Variants in FDX2 observed in about 807,000 individuals in gnomAD.
The protein encoded by FDX2 is ferredoxin-2, mitochondrial.
FDX2 carries 13 observed loss-of-function variants against 18.5 expected under a neutral mutation model. The ratio of observed to expected loss-of-function variants is 0.70; its 90% CI spans 0.46 to 1.12. The LOEUF (loss-of-function observed/expected upper bound fraction) is 1.12, where lower values mean the gene tolerates loss of function less well. Ranked by LOEUF, FDX2 falls within the 50% of genes most tolerant of loss-of-function variation. The pLI, the probability that FDX2 is intolerant of heterozygous loss-of-function variation, is 0.00. For missense variants in FDX2, 238 were observed against 250.4 expected (o/e 0.95, Z 0.34); for synonymous variants, 132 against 106.2 (o/e 1.24, Z -1.49).
At chr19:10,315,795 C>T in intron 1 of FDX2, 36 bp from the exon 2 acceptor site, 5 of 1,599,286 alleles carry the variant, frequency 3.1e-6, no homozygotes, top group Non-Finnish European at 4.3e-6. Context: ...CTGCGCCGAG[C>T]CCCGCCCCGC....
rs1398530361 is a variant in FDX2 at position 10,315,419 on chromosome 19, G to A, written c.283C>T (p.His95Tyr). The change falls in exon 3 of 5, where the codon CAC becomes TAC. Residue 95 changes from histidine to tyrosine, a missense_variant. Coordinates refer to ENST00000393708, the MANE Select transcript of FDX2 (RefSeq NM_001031734.4). ...TCCACCCCGTGGCGCTGGGCCAGGT[G>A]AAGAACATTGTCCCCGACTCTGCCA... 5 of 1,612,964 alleles carry A rather than the reference G, an allele frequency of 3.1e-6. No homozygotes were observed. The highest frequency in any genetic ancestry group is 3.4e-6 in the Non-Finnish European group (4 of 1,179,892).
Position 10,310,616 on chromosome 19 carries a change from G to A in FDX2, c.431C>T (p.Pro144Leu), listed in dbSNP as rs888630930. Reference sequence around the variant, plus strand: ...CAGCCGCGAGTTCTCCTGGAGGAGGGGGGCCATGTCTAGCATGTCGTCTTC... The same window carrying A: ...CAGCCGCGAGTTCTCCTGGAGGAGGAGGGCCATGTCTAGCATGTCGTCTTC... The change falls in exon 5 of 5, where the codon CCC becomes CTC. Residue 144 changes from proline to leucine, a missense_variant. Coordinates refer to ENST00000393708, the MANE Select transcript of FDX2 (RefSeq NM_001031734.4). The A allele has an allele frequency of 6.2e-7, 1 of 1,614,002 alleles. No homozygotes were observed.
intron 2 of FDX2, 36 bp downstream of exon 2, chr19:10,315,669 G>A: frequency 1.3e-6 from 2 of 1,542,286 alleles, no homozygotes; most frequent in South Asian, 1.2e-5. Flanking sequence ...GAATTCCGTG[G>A]GATGAGGAAT....
chr19:10,314,331 G>C (rs2040355410), intron 3 of FDX2, among the ~76,000 whole-genome samples: 1 of 152,184 alleles, frequency 6.6e-6, no homozygotes, highest in South Asian at 2.1e-4. Context: ...TCAAACATCT[G>C]TTACATCTTG....
rs765413486 is a variant in FDX2 at position 10,315,412 on chromosome 19, G to A, written c.290C>T (p.Ala97Val). The A allele has an allele frequency of 6.2e-7, 1 of 1,613,036 alleles. No individual in the cohort carries two copies. Among genetic ancestry groups the A allele is most frequent in the East Asian group, 2.2e-5 (1 of 44,828 alleles). Residue 97 changes from alanine (A) to valine (V), a missense_variant, in exon 3 of 5, where the codon GCC becomes GTC. By Grantham distance (64) the Ala-to-Val change is moderately conservative. Coordinates refer to ENST00000393708, the MANE Select transcript of FDX2 (RefSeq NM_001031734.4). ...TTCCAGGTCCACCCCGTGGCGCTGG[G>A]CCAGGTGAAGAACATTGTCCCCGAC...
At chr19:10,312,230 G>T (rs1475514692) in intron 3 of FDX2, among the ~76,000 whole-genome samples, 2 of 142,706 alleles carry the variant, frequency 1.4e-5, no homozygotes, top group Admixed American at 7.7e-5. Flanking sequence ...GCCCAGGCTG[G>T]TCTCAAACTC....
chr19:10,315,892 C>G lies in FDX2; in HGVS notation c.114G>C (p.Glu38Asp), dbSNP rs377762851. The change falls in exon 1 of 5, where the codon GAG (glutamate) becomes GAC (aspartate). Residue 38 changes from glutamate (E) to aspartate (D), a missense_variant. Physicochemically the swap from Glu to Asp is conservative, Grantham distance 45 (BLOSUM62 2). Coordinates refer to ENST00000393708, the MANE Select transcript of FDX2 (RefSeq NM_001031734.4). ...TTCTGGTTGTCCCCAGCGCCACCCC[C>G]TCCCCCGACCCGGAAGTGCCCCCAG... 4.1e-5 allele frequency: 66 copies of G among 1,603,954 alleles called. No homozygotes were observed. The highest frequency in any genetic ancestry group is 5.4e-5 in the Non-Finnish European group (64 of 1,176,814).
intron 3 of FDX2, among the ~76,000 whole-genome samples, chr19:10,314,658 G>A (rs2040358807): frequency 6.6e-6 from 1 of 152,214 alleles, no homozygotes; most frequent in South Asian, 2.1e-4. Flanking sequence ...GGGCTGAGGG[G>A]AATGGGATTG....
Position 10,315,318 on chromosome 19 carries a change from GGTTTTTT to G in FDX2, c.316+61_316+67del, listed in dbSNP as rs1215003994. The G allele has an allele frequency of 7.7e-5, 33 of 428,514 alleles. 1 individual carries two copies. Among genetic ancestry groups the G allele is most frequent in the South Asian group, 4.0e-4 (12 of 29,932 alleles). The allele number at this position is 428,514 out of a possible 1,614,324, so 26.5% of individuals were successfully genotyped here. A position where few individuals can be genotyped will look rare whatever the true frequency, so the allele number is the denominator to read the frequency against. On this transcript the variant is annotated intron_variant, in intron 3 of 4. Coordinates refer to ENST00000393708, the MANE Select transcript of FDX2 (RefSeq NM_001031734.4). Reference sequence around the variant, plus strand: ...CGTGAAGAGACACACCTAATTTGTGGGTTTTTTTTTTTTTTTTTTTGGACAAATGTAT... The same window carrying G: ...CGTGAAGAGACACACCTAATTTGTGGTTTTTTTTTTTTTGGACAAATGTAT...
At position 10,315,909 on chromosome 19, in the gene FDX2, T is replaced by C. The variant is rs893065299; in HGVS notation, c.97A>G (p.Thr33Ala). The C allele has an allele frequency of 7.0e-7, 1 of 1,419,444 alleles. No homozygotes were observed. The highest frequency in any genetic ancestry group is 1.5e-5 in the African/African-American group (1 of 67,572). The allele number at this position is 1,419,444 out of a possible 1,614,324, so 87.9% of individuals were successfully genotyped here. ...GCCACCCCCTCCCCCGACCCGGAAG[T>C]GCCCCCAGGTCTGTTCCACCAGGTG... Residue 33 changes from threonine (T) to alanine (A), a missense_variant, in exon 1 of 5, where the codon ACT becomes GCT. Transcript: ENST00000393708.
rs538167290 is a variant in FDX2, at chr19:10,310,671, C to T, written c.405-29G>A. 2.0e-5 allele frequency: 27 copies of T among 1,333,820 alleles called. No homozygotes were observed. In the East Asian group the frequency reaches 2.8e-4, roughly 14 times the overall value. 82.6% of individuals were successfully genotyped at this position (1,333,820 alleles called of 1,614,324 possible). Reference sequence around the variant, plus strand: ...GGGTGGTGACACGGGCAGTGTTAGCCGAGGGCAAGCTAGCTGGGTGGGTGG... The same window carrying T: ...GGGTGGTGACACGGGCAGTGTTAGCTGAGGGCAAGCTAGCTGGGTGGGTGG... On this transcript the variant is annotated intron_variant, in intron 4 of 4. Transcript: ENST00000393708.
Position 10,310,872 on chromosome 19 carries a change from G to A in FDX2, c.385C>T (p.Leu129=), listed in dbSNP as rs2040316995. 1.2e-6 allele frequency: 2 copies of A among 1,613,934 alleles called. No individual in the cohort carries two copies. Among genetic ancestry groups the A allele is most frequent in the South Asian group, 1.1e-5 (1 of 91,072 alleles). The change falls in exon 4 of 5, where the codon CTG becomes TTG. Residue 129 remains leucine, a synonymous_variant. Transcript: ENST00000393708. ...ACTCACCTCTCCTCGGGAGGAGGCA[G>A]GAGATCCAGGTGGTCTTCACTCACA...
intron 3 of FDX2, among the ~76,000 whole-genome samples, chr19:10,314,080 T>G (rs1369765133): frequency 6.6e-6 from 1 of 151,414 alleles, no homozygotes; most frequent in African/African-American, 2.4e-5. Context: ...GCCTCCCAAG[T>G]TCAAGTGATT....
chr19:10,313,877 G>A (rs1361111859), intron 3 of FDX2, among the ~76,000 whole-genome samples: 3 of 149,980 alleles, frequency 2.0e-5, no homozygotes, highest in Admixed American at 6.7e-5. Flanking sequence ...TTAGAGACGG[G>A]GTTTCACCAT....
intron 3 of FDX2, among the ~76,000 whole-genome samples, chr19:10,313,349 C>T (rs966932746): frequency 6.6e-6 from 1 of 152,024 alleles, no homozygotes; most frequent in Non-Finnish European, 1.5e-5. Flanking sequence ...CCAAGTTGGT[C>T]ATAATTATGT....
chr19:10,310,270 T>C lies in FDX2; in HGVS notation c.*216A>G. On this transcript the variant is annotated 3_prime_UTR_variant, in exon 5 of 5. Transcript: ENST00000393708. ...TATGAGTCCACTCCTACTCAAACCC[T>C]GATTCTCAGGGGCCTGGGGAAGGCC... 2 of 615,236 alleles carry C rather than the reference T, an allele frequency of 3.3e-6. No individual in the cohort carries two copies. Among genetic ancestry groups the C allele is most frequent in the Non-Finnish European group, 5.7e-6 (2 of 353,530 alleles). The allele number at this position is 615,236 out of a possible 1,614,324, so 38.1% of individuals were successfully genotyped here.
intron 3 of FDX2, among the ~76,000 whole-genome samples, chr19:10,312,014 G>A (rs1439450726): frequency 6.6e-6 from 1 of 151,418 alleles, no homozygotes; most frequent in East Asian, 1.9e-4. Context: ...GGGATTACAG[G>A]TGCCCACCAT....
At chr19:10,315,830 C>A in intron 1 of FDX2, 22 bp downstream of exon 1, 1 of 1,598,194 alleles carries the variant, frequency 6.3e-7, no homozygotes, top group African/African-American at 1.3e-5. Flanking sequence ...TTAACGCTGC[C>A]CGCCCCGGGC....
rs149543553 is a variant in FDX2, at chr19:10,311,618, T to G, written c.317-678A>C. 7.1e-3 allele frequency among the ~76,000 whole-genome samples: 1,078 copies of G among 151,482 alleles called. 16 individuals are homozygous for G. The highest frequency in any genetic ancestry group is 0.025 in the African/African-American group (1,034 of 41,270). On this transcript the variant is annotated intron_variant, in intron 3 of 4. Coordinates refer to ENST00000393708, the MANE Select transcript of FDX2 (RefSeq NM_001031734.4). ...GGTTTCACCATGTTAGCCAGGATGGTCTTGATCTCCTGACCTCATGATCTG... is the reference window on the plus strand; with the variant it reads ...GGTTTCACCATGTTAGCCAGGATGGGCTTGATCTCCTGACCTCATGATCTG...
Sources: allele counts gnomAD v4.1 joint callset (sites outside exome capture counted in the v4.1 genomes callset), GRCh38; gene constraint gnomAD v4.1.1; transcripts MANE v1.5; gene names NCBI Gene and HGNC (gene_info 2026-07-23, HGNC 2026-07-21).